The following DIDO1 variants were observed in gnomAD, a reference collection of about 807,000 sequenced individuals.
DIDO1 encodes the protein death inducer-obliterator 1.
In DIDO1, 16 loss-of-function variants were observed where a neutral mutation model predicts 99.4. The observed-to-expected ratio is 0.16, with a 90% confidence interval of 0.11 to 0.24. The LOEUF (loss-of-function observed/expected upper bound fraction) is 0.24, where lower values mean the gene tolerates loss of function less well. Ranked by LOEUF, DIDO1 falls within the 10% of genes least tolerant of loss-of-function variation. The pLI is 1.00. For synonymous variants in DIDO1, 1,366 were observed against 1,239.1 expected (o/e 1.10, Z -2.15); for missense variants, 2,996 against 3,014.0 (o/e 0.99, Z 0.14).
chr20:62,927,458 C>T (rs555294266), upstream of DIDO1, among the ~76,000 whole-genome samples: 1 of 152,138 alleles, frequency 6.6e-6, no homozygotes, highest in Non-Finnish European at 1.5e-5. Context: ...TGGGAGGGGG[C>T]AGGAGGGGCA....
chr20:62,919,116 C>T (rs758057590), intron 1 of DIDO1, among the ~76,000 whole-genome samples: 1 of 152,236 alleles, frequency 6.6e-6, no homozygotes, highest in Non-Finnish European at 1.5e-5. Flanking sequence ...GATTTGGGCC[C>T]ACAAGGAACT....
chr20:62,918,802 G>C (rs1170315744), intron 1 of DIDO1, among the ~76,000 whole-genome samples: 1 of 149,830 alleles, frequency 6.7e-6, no homozygotes, highest in African/African-American at 2.4e-5. Context: ...TGCCTATTAA[G>C]GGTCTCCTGG....
At chr20:62,935,664 T>G (rs956325782) in intron 1 of DIDO1, among the ~76,000 whole-genome samples, 1 of 152,204 alleles carries the variant, frequency 6.6e-6, no homozygotes, top group Non-Finnish European at 1.5e-5. Context: ...CTGGGATGGC[T>G]GGAGCAGAGA....
rs1419167848 is a variant in DIDO1 at position 62,893,728 on chromosome 20, T to C, written c.3039A>G (p.Leu1013=). ...LTSVMVPKSI[L]AKPSSSPDPR... ...GGTCAGGAGATGAGGATGGCTTAGC[T>C]AGTATGGACTTGGGCACCATCACAG... The change falls in exon 12 of 16, where the codon CTA becomes CTG. Residue 1013 remains leucine, a synonymous_variant. Coordinates refer to ENST00000395343, the MANE Select transcript of DIDO1 (RefSeq NM_001193369.2). The C allele has an allele frequency of 1.2e-6, 2 of 1,613,930 alleles. No individual in the cohort carries two copies. The highest frequency in any genetic ancestry group is 2.7e-5 in the African/African-American group (2 of 74,946).
upstream of DIDO1, among the ~76,000 whole-genome samples, chr20:62,930,573 G>A (rs1305745570): frequency 6.6e-6 from 1 of 152,178 alleles, no homozygotes; most frequent in African/African-American, 2.4e-5. Flanking sequence ...CTGTCTTTTA[G>A]ACAAAAGAAT....
At chr20:62,927,458 C>G (rs555294266), upstream of DIDO1, among the ~76,000 whole-genome samples, 222 of 152,256 alleles carry the variant, frequency 1.5e-3, no homozygotes, top group African/African-American at 5.0e-3. Context: ...TGGGAGGGGG[C>G]AGGAGGGGCA....
chr20:62,904,084 A>G (rs1443017663), intron 6 of DIDO1, among the ~76,000 whole-genome samples: 1 of 152,248 alleles, frequency 6.6e-6, no homozygotes, highest in Non-Finnish European at 1.5e-5. Context: ...TGGTTGACAC[A>G]GATGGAAATT....
chr20:62,923,184 TA>T (rs2065188845), intron 1 of DIDO1, among the ~76,000 whole-genome samples: 1 of 151,794 alleles, frequency 6.6e-6, no homozygotes, highest in Admixed American at 6.6e-5. Context: ...TAATTATTAT[TA>T]TTTTTTTTTT....
rs1232435900 is a variant in DIDO1 at position 62,894,956 on chromosome 20, T to C, written c.2332-42A>G. 7 of 1,604,772 alleles carry C rather than the reference T, an allele frequency of 4.4e-6. No homozygotes were observed. On this transcript the variant is annotated intron_variant, in intron 9 of 15. Transcript: ENST00000395343. The surrounding 1 kb of genome is among the most constrained non-coding windows in gnomAD (Gnocchi z 4.4). ...GAAACAGAGCTTAGGCCTTGTTTTC[T>C]AGGAGGAAAGCATCGCTTATGCAGC... is the stretch of plus-strand genomic sequence containing the variant.
In DIDO1 at chr20:62,894,483, G is replaced by A. The variant is rs751588033; in HGVS notation, c.2502C>T (p.Ser834=). The change falls in exon 11 of 16, where the codon AGC becomes AGT. Residue 834 remains serine, a synonymous_variant. Transcript: ENST00000395343. This position sits in a 1 kb window ranked among gnomAD's most constrained non-coding sequence, Gnocchi z 4.4. ...KSTAPLLDVF[S]SMLKDTTSQH... ...GACTGGTGGTGTCTTTCAACATGCTGCTGAAGACGTCGAGAAGCGGCGCTG... is the reference window on the plus strand; with the variant it reads ...GACTGGTGGTGTCTTTCAACATGCTACTGAAGACGTCGAGAAGCGGCGCTG... 15 of 1,613,560 alleles carry A rather than the reference G, an allele frequency of 9.3e-6. No homozygotes were observed. The East Asian group carries it at 2.7e-4, about 29-fold the overall frequency.
chr20:62,924,173 A>T (rs1319594036), intron 1 of DIDO1, among the ~76,000 whole-genome samples: 1 of 152,218 alleles, frequency 6.6e-6, no homozygotes, highest in African/African-American at 2.4e-5. Context: ...AGTCATAAAA[A>T]GGCTGATCTT....
Position 62,879,368 on chromosome 20 carries a change from C to T in DIDO1, c.6588G>A (p.Glu2196=). Reference sequence around the variant, plus strand: ...TGTCCCTGGCCTTGTCTCGGTCCCGCTCTCTGCTCCGGGACCGGTCCCGGT... The same window carrying T: ...TGTCCCTGGCCTTGTCTCGGTCCCGTTCTCTGCTCCGGGACCGGTCCCGGT... ...RRDRDRSRSR[E]RDRDKARDRE... The change falls in exon 16 of 16, where the codon GAG becomes GAA. Residue 2196 remains glutamate (E), a synonymous_variant. Transcript: ENST00000395343. This position sits in a 1 kb window ranked among gnomAD's most constrained non-coding sequence, Gnocchi z 6.3. 2.6e-6 allele frequency: 4 copies of T among 1,547,692 alleles called. No homozygotes were observed. Among genetic ancestry groups the T allele is most frequent in the Non-Finnish European group, 3.5e-6 (4 of 1,148,408 alleles).
chr20:62,900,016 G>A (rs1324260440), intron 6 of DIDO1, among the ~76,000 whole-genome samples: 3 of 152,202 alleles, frequency 2.0e-5, no homozygotes, highest in African/African-American at 4.8e-5. Flanking sequence ...TATAACTTCA[G>A]AGAAGGGCAA....
intron 6 of DIDO1, among the ~76,000 whole-genome samples, chr20:62,898,753 T>TA (rs886353500): frequency 6.6e-6 from 1 of 152,088 alleles, no homozygotes; most frequent in Non-Finnish European, 1.5e-5. Context: ...AAGCGCACTA[T>TA]AAAAAATGGC....
In DIDO1 at chr20:62,891,032, T is replaced by G; in HGVS notation, c.3469A>C (p.Lys1157Gln). ...CTCAGCGGGATCAGGTAGAGGTCCT[T>G]GACGTGCCTGTTGTTATTAGCTACA... ...GVVANNNRHV[K>Q]DLYLIPLSAQ... Residue 1157 changes from lysine (K) to glutamine (Q), a missense_variant, in exon 15 of 16, where the codon AAG becomes CAG. This residue lies in a region of DIDO1 where 135 missense variants were observed against 202.3 expected (regional missense o/e 0.67). Coordinates refer to ENST00000395343, the MANE Select transcript of DIDO1 (RefSeq NM_001193369.2). 1 of 1,614,136 alleles carries G rather than the reference T, an allele frequency of 6.2e-7. No homozygotes were observed. The highest frequency in any genetic ancestry group is 8.5e-7 in the Non-Finnish European group (1 of 1,180,022).
chr20:62,926,548 C>T (rs572498546), upstream of DIDO1: 2 of 151,928 alleles, frequency 1.3e-5, no homozygotes, highest in African/African-American at 4.8e-5. Context: ...GGGCGGAGGA[C>T]GAGACCGGCC....
rs200465867 is a variant in DIDO1, at chr20:62,890,953, C to A, written c.3541+7G>T. Reference sequence around the variant, plus strand: ...GCCTCACCTCCACCCAGAAAGCCGGCGCTTACCTGGTCCCTCAAAGGGCAA... The same window carrying A: ...GCCTCACCTCCACCCAGAAAGCCGGAGCTTACCTGGTCCCTCAAAGGGCAA... On this transcript the variant is annotated splice_region_variant and intron_variant, in intron 15 of 15. Transcript: ENST00000395343. 3 of 1,613,450 alleles carry A rather than the reference C, an allele frequency of 1.9e-6. No homozygotes were observed. Among genetic ancestry groups the A allele is most frequent in the African/African-American group, 2.7e-5 (2 of 74,920 alleles).
In DIDO1 at chr20:62,909,826, G is replaced by C. The variant is rs750135382; in HGVS notation, c.1034C>G (p.Ala345Gly). Reference sequence around the variant, plus strand: ...TATACTTGTACAATCGGTGCCATCAGCATCTCCAGGTCTCCATTTAGCTTC... The same window carrying C: ...TATACTTGTACAATCGGTGCCATCACCATCTCCAGGTCTCCATTTAGCTTC... The part of the protein sequence containing the change: ...QQEAKWRPGD[A>G]DGTDCTSIGT... The change falls in exon 4 of 16, where the codon GCT becomes GGT. Residue 345 changes from alanine (A) to glycine (G), a missense_variant. Ala to Gly is a moderately conservative substitution (Grantham distance 60). This residue lies in a region of DIDO1 where 898 missense variants were observed against 972.7 expected (regional missense o/e 0.92). Coordinates refer to ENST00000395343, the MANE Select transcript of DIDO1 (RefSeq NM_001193369.2). 4 of 1,614,198 alleles carry C rather than the reference G, an allele frequency of 2.5e-6. No individual in the cohort carries two copies. The East Asian group carries it at 6.7e-5, about 27-fold the overall frequency.
In DIDO1 at chr20:62,879,947, C is replaced by T; in HGVS notation, c.6009G>A (p.Glu2003=). 1.2e-6 allele frequency: 2 copies of T among 1,605,590 alleles called. No homozygotes were observed. The highest frequency in any genetic ancestry group is 1.7e-6 in the Non-Finnish European group (2 of 1,177,420). ...RGSAPFSEKN[E]QTPSRFHFQG... ...GGAAGTGAAATCGCGAAGGGGTCTG[C>T]TCATTTTTTTCAGAAAAGGGTGCGG... Residue 2003 remains glutamate, a synonymous_variant, in exon 16 of 16, where the codon GAG becomes GAA. Transcript: ENST00000395343. This position sits in a 1 kb window ranked among gnomAD's most constrained non-coding sequence, Gnocchi z 6.3.
Sources: gnomAD v4.1 joint callset for allele counts (sites outside exome capture counted in the v4.1 genomes callset) on GRCh38, gnomAD v4.1.1 for gene constraint, gnomAD v4.1.1 regional missense constraint, Gnocchi (gnomAD v3.1) non-coding constraint, MANE v1.5 for transcripts, NCBI Gene and HGNC (gene_info 2026-07-23, HGNC 2026-07-21) for gene names.